NCAPG: variants seen among roughly 807,000 people sequenced by gnomAD.
The protein encoded by NCAPG is condensin complex subunit 3.
A neutral mutation model predicts 113.1 loss-of-function variants in NCAPG; 69 were observed. The ratio of observed to expected loss-of-function variants is 0.61; its 90% CI spans 0.50 to 0.75. The LOEUF (loss-of-function observed/expected upper bound fraction) is 0.75. Among genes scored for constraint, NCAPG ranks in the 30% least tolerant of loss-of-function variants. The pLI, the probability that NCAPG is intolerant of heterozygous loss-of-function variation, is 0.00. For missense variants in NCAPG, 1,058 were observed against 1,177.0 expected, an observed-to-expected ratio of 0.90 and a Z score of 1.48; for synonymous variants, 370 against 415.8, an observed-to-expected ratio of 0.89 and a Z score of 1.34.
rs749479670 is a variant in NCAPG, at chr4:17,834,432, A to T, written c.2018A>T (p.Asn673Ile). 8.7e-6 allele frequency: 14 copies of T among 1,612,028 alleles called. No individual in the cohort carries two copies. Among genetic ancestry groups the T allele is most frequent in the Non-Finnish European group, 1.2e-5 (14 of 1,179,002 alleles). The change falls in exon 14 of 21, where the codon AAC (asparagine) becomes ATC (isoleucine). Residue 673 changes from asparagine to isoleucine, a missense_variant. Asn to Ile is a moderately radical substitution (Grantham distance 149). Coordinates refer to ENST00000251496, the MANE Select transcript of NCAPG (RefSeq NM_022346.5). ...CTTCATTGTGAAGGTACAGAAATAA[A>T]CAGTGATGATGAGCAAGAATCAAAA... is the stretch of plus-strand genomic sequence containing the variant. ...KTLHCEGTEI[N>I]SDDEQESKEV...
intron 14 of NCAPG, among the ~76,000 whole-genome samples, chr4:17,836,213 G>A (rs975010419): frequency 6.6e-6 from 1 of 152,138 alleles, no homozygotes; most frequent in Non-Finnish European, 1.5e-5. Flanking sequence ...TTAATGACTA[G>A]TGATGTTGAG....
At chr4:17,820,865 TA>T (rs542942690) in intron 7 of NCAPG, among the ~76,000 whole-genome samples, 4 of 152,172 alleles carry the variant, frequency 2.6e-5, no homozygotes, top group Non-Finnish European at 5.9e-5. Flanking sequence ...GGTGCTCACT[TA>T]AAGAGCAAAC....
chr4:17,823,673 AG>A lies in NCAPG; in HGVS notation c.1287del (p.Ile430PhefsTer24). 3 of 1,611,204 alleles carry A rather than the reference AG, an allele frequency of 1.9e-6. No homozygotes were observed. The highest frequency in any genetic ancestry group is 2.5e-6 in the Non-Finnish European group (3 of 1,178,054). On this transcript the variant is annotated frameshift_variant, in exon 9 of 21. Transcript: ENST00000251496. LOFTEE classifies it high-confidence loss of function. ...AAAAAACTGCTGGCTGTTTTACAGG[AG>A]ATTCTTATTTTACCCACAATCCCAA... Reference protein sequence around the residue: ...GRKKLLAVLQEILILPTIPIS... With the variant: ...GRKKLLAVLQXILILPTIPIS...
At position 17,834,490 on chromosome 4, in the gene NCAPG, T is replaced by C. The variant is rs1415652202; in HGVS notation, c.2076T>C (p.Val692=). The C allele has an allele frequency of 2.5e-6, 4 of 1,597,228 alleles. No homozygotes were observed. Among genetic ancestry groups the C allele is most frequent in the Non-Finnish European group, 2.6e-6 (3 of 1,172,150 alleles). The stretch of plus-strand genomic sequence containing the variant: ...AAGAGACTGCTACAGCTAAGAATGT[T>C]CTGAAACTCCTTTCTGATTTCTTAG... ...EVEETATAKN[V]LKLLSDFLDS... The change falls in exon 14 of 21, where the codon GTT becomes GTC. Residue 692 remains valine (V), a synonymous_variant. Coordinates refer to ENST00000251496, the MANE Select transcript of NCAPG (RefSeq NM_022346.5).
intron 8 of NCAPG, 30 bp downstream of exon 8, chr4:17,823,153 T>G: frequency 6.3e-7 from 1 of 1,584,786 alleles, no homozygotes. Context: ...CTCATTCTAA[T>G]TTGCCCTTCT....
At chr4:17,818,244 A>T (rs1280150281) in intron 7 of NCAPG, among the ~76,000 whole-genome samples, 156 bp downstream of exon 7, 2 of 152,144 alleles carry the variant, frequency 1.3e-5, no homozygotes, top group African/African-American at 4.8e-5. Context: ...CTTTTTGAAT[A>T]TCTTGTGCTG....
chr4:17,830,504 G>C (rs187234507), intron 12 of NCAPG, among the ~76,000 whole-genome samples: 2 of 150,934 alleles, frequency 1.3e-5, no homozygotes, highest in Non-Finnish European at 2.9e-5. Flanking sequence ...AAATACTACA[G>C]ATACGATGTT....
chr4:17,834,622 G>A, intron 14 of NCAPG, 99 bp downstream of exon 14: 1 of 777,418 alleles, frequency 1.3e-6, no homozygotes, highest in Non-Finnish European at 1.9e-6. Context: ...TAAGTCCTGT[G>A]ATACATGTGC....
At chr4:17,838,910 A>G (rs1400388225) in intron 16 of NCAPG, among the ~76,000 whole-genome samples, 1 of 152,136 alleles carries the variant, frequency 6.6e-6, no homozygotes, top group African/African-American at 2.4e-5. Flanking sequence ...ATATTAATAA[A>G]GAAAGCAGCT....
In NCAPG at chr4:17,815,000, T is replaced by TA. The variant is rs1241660053; in HGVS notation, c.690+5dup. On this transcript the variant is annotated splice_region_variant and intron_variant, in intron 4 of 20. Coordinates refer to ENST00000251496, the MANE Select transcript of NCAPG (RefSeq NM_022346.5). ...GCTGTCAGAAAGCTGGCTTATCAGG[T>TA]AAATAAGTTCAATGTCTTGTGTTGG... The TA allele has an allele frequency of 3.1e-6, 5 of 1,614,086 alleles. No homozygotes were observed. Among genetic ancestry groups the TA allele is most frequent in the African/African-American group, 1.3e-5 (1 of 75,038 alleles).
At chr4:17,833,737 G>A (rs1024208531) in intron 13 of NCAPG, among the ~76,000 whole-genome samples, 3 of 151,568 alleles carry the variant, frequency 2.0e-5, no homozygotes, top group Admixed American at 6.6e-5. Flanking sequence ...GCTGTGTTTC[G>A]TGATTTACGT....
At chr4:17,822,103 A>G (rs1424911822) in intron 7 of NCAPG, among the ~76,000 whole-genome samples, 1 of 151,946 alleles carries the variant, frequency 6.6e-6, no homozygotes, top group Non-Finnish European at 1.5e-5. Context: ...TTCAAAAAAG[A>G]TAATTGTATT....
chr4:17,830,060 T>C (rs1048155381), intron 12 of NCAPG, among the ~76,000 whole-genome samples: 5 of 152,132 alleles, frequency 3.3e-5, no homozygotes, highest in African/African-American at 1.2e-4. Context: ...ACACATGGCT[T>C]TTAAAAACTA....
intron 14 of NCAPG, among the ~76,000 whole-genome samples, chr4:17,835,755 G>T (rs898518440): frequency 6.6e-6 from 1 of 152,086 alleles, no homozygotes; most frequent in Non-Finnish European, 1.5e-5. Flanking sequence ...TTTAAATTTA[G>T]CATAACATTT....
intron 5 of NCAPG, among the ~76,000 whole-genome samples, 182 bp from the exon 6 acceptor site, chr4:17,817,079 C>G (rs2109045493): frequency 1.3e-5 from 2 of 152,328 alleles, no homozygotes; most frequent in Middle Eastern, 3.4e-3. Context: ...TGCCACTGCA[C>G]TCCAGCCTGG....
Position 17,837,293 on chromosome 4 carries a change from T to G in NCAPG, c.2244T>G (p.Leu748=). Residue 748 remains leucine, a synonymous_variant, in exon 15 of 21, where the codon CTT becomes CTG. Transcript: ENST00000251496. ...YNPVTEEDVQ[L]RHCLGVFFPV... is the part of the protein sequence containing the mutation. ...CTGTGACTGAAGAGGATGTTCAACTTCGACATTGCCTAGGCGTGTTCTTCC... is the reference window on the plus strand; with the variant it reads ...CTGTGACTGAAGAGGATGTTCAACTGCGACATTGCCTAGGCGTGTTCTTCC... 6.2e-7 allele frequency: 1 copy of G among 1,613,960 alleles called. No homozygotes were observed. The highest frequency in any genetic ancestry group is 8.5e-7 in the Non-Finnish European group (1 of 1,179,910).
chr4:17,811,181 A>G lies in NCAPG; in HGVS notation c.104A>G (p.Tyr35Cys), dbSNP rs1255637883. The G allele has an allele frequency of 1.4e-6, 2 of 1,480,720 alleles. No homozygotes were observed. Among genetic ancestry groups the G allele is most frequent in the Non-Finnish European group, 1.8e-6 (2 of 1,110,124 alleles). The allele number at this position is 1,480,720 out of a possible 1,614,324, so 91.7% of individuals were successfully genotyped here. Reference sequence around the variant, plus strand: ...CTGGTGGTGGCGCTGAGCCGCACCTACCGCACGGTAAGCGCTCCCGGCCCC... The same window carrying G: ...CTGGTGGTGGCGCTGAGCCGCACCTGCCGCACGGTAAGCGCTCCCGGCCCC... The part of the protein sequence containing the change: ...AKLVVALSRT[Y>C]RTMDDKTVFH... Residue 35 changes from tyrosine (Y) to cysteine (C), a missense_variant, in exon 1 of 21, where the codon TAC (tyrosine) becomes TGC (cysteine). Physicochemically the swap from Tyr to Cys is radical, Grantham distance 194. Coordinates refer to ENST00000251496, the MANE Select transcript of NCAPG (RefSeq NM_022346.5). This position sits in a 1 kb window ranked among gnomAD's most constrained non-coding sequence, Gnocchi z 5.3.
chr4:17,825,790 C>CG (rs1721637323), intron 11 of NCAPG, among the ~76,000 whole-genome samples: 1 of 152,054 alleles, frequency 6.6e-6, no homozygotes, highest in South Asian at 2.1e-4. Flanking sequence ...CCTTGTCATG[C>CG]TAATCTCTAG....
At chr4:17,830,970 A>T (rs2109058341) in intron 12 of NCAPG, 27 bp from the exon 13 acceptor site, 2 of 1,600,472 alleles carry the variant, frequency 1.2e-6, no homozygotes, top group Non-Finnish European at 1.7e-6. Context: ...CTATGAAATC[A>T]TATGGAAAAT....
Sources: allele counts gnomAD v4.1 joint callset (sites outside exome capture counted in the v4.1 genomes callset), GRCh38; gene constraint gnomAD v4.1.1; non-coding constraint Gnocchi (gnomAD v3.1); transcripts MANE v1.5; gene names NCBI Gene and HGNC (gene_info 2026-07-23, HGNC 2026-07-21).